The following PRKAA2 variants were observed in gnomAD, a reference collection of about 807,000 sequenced individuals.
PRKAA2 encodes the protein 5'-AMP-activated protein kinase catalytic subunit alpha-2.
A neutral mutation model predicts 56.3 loss-of-function variants in PRKAA2; 40 were observed. The ratio of observed to expected loss-of-function variants is 0.71; its 90% CI spans 0.55 to 0.92. The LOEUF (loss-of-function observed/expected upper bound fraction) is 0.92, where lower values mean the gene tolerates loss of function less well. PRKAA2 is among the 40% of genes least tolerant of loss of function. PRKAA2 has a pLI of 0.00. For missense variants in PRKAA2, 542 were observed against 686.9 expected, an observed-to-expected ratio of 0.79 and a Z score of 2.36; for synonymous variants, 214 against 234.2, an observed-to-expected ratio of 0.91 and a Z score of 0.79.
chr1:56,652,883 A>G (rs1297887227), intron 1 of PRKAA2, among the ~76,000 whole-genome samples: 1 of 152,082 alleles, frequency 6.6e-6, no homozygotes, highest in Non-Finnish European at 1.5e-5. Flanking sequence ...ATCTGCCCCT[A>G]TTTTGTGGTT....
intron 7 of PRKAA2, among the ~76,000 whole-genome samples, chr1:56,705,646 C>A (rs1046106531): frequency 2.0e-5 from 3 of 152,172 alleles, no homozygotes; most frequent in Non-Finnish European, 4.4e-5. Context: ...GCGGTCCACC[C>A]ACCTTGGCCT....
rs369893630 is a variant in PRKAA2, at chr1:56,696,099, C to T, written c.728C>T (p.Thr243Ile). ...GAATATCTCAATCGTTCTGTCGCCA[C>T]TCTCCTGATGCATATGCTGCAGGTT... ...IPEYLNRSVA[T>I]LLMHMLQVDP... The change falls in exon 6 of 9, where the codon ACT becomes ATT. Residue 243 changes from threonine (T) to isoleucine (I), a missense_variant. Thr to Ile is a moderately conservative substitution (Grantham distance 89, BLOSUM62 -1). Transcript: ENST00000371244. 512 of 1,613,610 alleles carry T rather than the reference C, an allele frequency of 3.2e-4. 7 individuals are homozygous for T. In the South Asian group the frequency reaches 5.4e-3, roughly 17 times the overall value.
intron 2 of PRKAA2, among the ~76,000 whole-genome samples, chr1:56,676,260 A>T (rs960498868): frequency 1.1e-4 from 17 of 152,342 alleles, no homozygotes; most frequent in Non-Finnish European, 1.9e-4. Flanking sequence ...ATCCTGGATC[A>T]TGTAGGTGGG....
chr1:56,705,199 A>T lies in PRKAA2; in HGVS notation c.1293+724A>T, dbSNP rs553430597. Among the ~76,000 whole-genome samples, 3 of 152,302 alleles carry T rather than the reference A, an allele frequency of 2.0e-5. No homozygotes were observed. In the South Asian group the frequency reaches 6.2e-4, roughly 32 times the overall value. The stretch of plus-strand genomic sequence containing the variant: ...TGCATTTGACGTGTTCAAATAAATC[A>T]GTCATTTTCATTTTATTATTTGTAC... On this transcript the variant is annotated intron_variant, in intron 7 of 8. Coordinates refer to ENST00000371244, the MANE Select transcript of PRKAA2 (RefSeq NM_006252.4).
At chr1:56,675,750 A>T (rs1440130555) in intron 2 of PRKAA2, among the ~76,000 whole-genome samples, 1 of 152,178 alleles carries the variant, frequency 6.6e-6, no homozygotes, top group Non-Finnish European at 1.5e-5. Flanking sequence ...GAAATTCACA[A>T]TTTAAATACA....
intron 6 of PRKAA2, among the ~76,000 whole-genome samples, chr1:56,697,487 C>G (rs1045088971): frequency 3.9e-5 from 6 of 152,066 alleles, no homozygotes; most frequent in Non-Finnish European, 1.5e-5. Flanking sequence ...TGTTCCAAAC[C>G]TCATGTATAA....
At position 56,712,529 on chromosome 1, in the gene PRKAA2, G is replaced by A. The variant is rs1260709477; in HGVS notation, c.*4816G>A. 1 of 152,110 alleles carries A rather than the reference G, an allele frequency of 6.6e-6. No individual in the cohort carries two copies. Among genetic ancestry groups the A allele is most frequent in the Admixed American group, 6.5e-5 (1 of 15,270 alleles). The allele number at this position is 152,110 out of a possible 1,614,324, so 9.4% of individuals were successfully genotyped here. A position where few individuals can be genotyped will look rare whatever the true frequency, so the allele number is the denominator to read the frequency against. ...AACATGATTCTTCTTATAATTTTATGTGATTCTTATAGCACAATCATTTTT... is the reference window on the plus strand; with the variant it reads ...AACATGATTCTTCTTATAATTTTATATGATTCTTATAGCACAATCATTTTT... On this transcript the variant is annotated 3_prime_UTR_variant, in exon 9 of 9. Coordinates refer to ENST00000371244, the MANE Select transcript of PRKAA2 (RefSeq NM_006252.4).
chr1:56,678,024 A>T (rs1210027119), intron 2 of PRKAA2, among the ~76,000 whole-genome samples: 2 of 152,116 alleles, frequency 1.3e-5, no homozygotes, highest in South Asian at 2.1e-4. Context: ...TTTACTTTCA[A>T]TCATTTTATT....
intron 2 of PRKAA2, among the ~76,000 whole-genome samples, chr1:56,675,374 G>A (rs1644105950): frequency 6.6e-6 from 1 of 151,880 alleles, no homozygotes; most frequent in Non-Finnish European, 1.5e-5. Flanking sequence ...TCTGCTGAAT[G>A]TGTGGAGCAT....
At chr1:56,658,430 G>A (rs533513151) in intron 1 of PRKAA2, among the ~76,000 whole-genome samples, 29 of 152,116 alleles carry the variant, frequency 1.9e-4, no homozygotes, top group African/African-American at 6.7e-4. Context: ...ATTAAGAGAG[G>A]GCATGGTTTA....
rs1432779138 is a variant in PRKAA2 at position 56,712,013 on chromosome 1, A to T, written c.*4300A>T. On this transcript the variant is annotated 3_prime_UTR_variant, in exon 9 of 9. Coordinates refer to ENST00000371244, the MANE Select transcript of PRKAA2 (RefSeq NM_006252.4). ...CGGTGAAACATCACATCCATTTGGCATGAAGCAAAGCATTACAAATTTGGA... is the reference window on the plus strand; with the variant it reads ...CGGTGAAACATCACATCCATTTGGCTTGAAGCAAAGCATTACAAATTTGGA... 1 of 152,214 alleles carries T rather than the reference A, an allele frequency of 6.6e-6. No individual in the cohort carries two copies. The highest frequency in any genetic ancestry group is 1.5e-5 in the Non-Finnish European group (1 of 68,030). 9.4% of individuals were successfully genotyped at this position (152,214 alleles called of 1,614,324 possible). A position where few individuals can be genotyped will look rare whatever the true frequency, so the allele number is the denominator to read the frequency against.
chr1:56,698,868 T>C (rs1226729811), intron 6 of PRKAA2, among the ~76,000 whole-genome samples: 1 of 152,180 alleles, frequency 6.6e-6, no homozygotes, highest in Non-Finnish European at 1.5e-5. Flanking sequence ...GCTGGTAATA[T>C]AGTGGTAAAC....
intron 1 of PRKAA2, among the ~76,000 whole-genome samples, chr1:56,652,005 C>G (rs532967802): frequency 1.5e-4 from 21 of 136,698 alleles, no homozygotes; most frequent in African/African-American, 5.9e-4. Context: ...CCACGCCTGG[C>G]TAATTTTTTT....
At chr1:56,685,249 T>A (rs1462760856) in intron 2 of PRKAA2, among the ~76,000 whole-genome samples, 2 of 152,242 alleles carry the variant, frequency 1.3e-5, no homozygotes, top group African/African-American at 4.8e-5. Flanking sequence ...ACAGATTATC[T>A]ATAAAGATAT....
At chr1:56,703,851 G>A in intron 6 of PRKAA2, 120 bp from the exon 7 acceptor site, 1 of 1,110,846 alleles carries the variant, frequency 9.0e-7, no homozygotes, top group East Asian at 2.4e-5. Context: ...GCTAGTAAGT[G>A]GCAGAGCTAG....
chr1:56,693,697 C>T (rs572021127), intron 4 of PRKAA2, 68 bp from the exon 5 acceptor site: 3 of 1,134,944 alleles, frequency 2.6e-6, no homozygotes, highest in South Asian at 1.7e-5. Context: ...AAATTTTGCT[C>T]ATATTTATAT....
chr1:56,695,198 A>G (rs571209984), intron 5 of PRKAA2, among the ~76,000 whole-genome samples: 1 of 141,156 alleles, frequency 7.1e-6, no homozygotes, highest in Admixed American at 7.0e-5. Context: ...ATATATATAT[A>G]TATATTTTTT....
chr1:56,656,610 G>A (rs532471262), intron 1 of PRKAA2, among the ~76,000 whole-genome samples: 1 of 152,274 alleles, frequency 6.6e-6, no homozygotes, highest in South Asian at 2.1e-4. Flanking sequence ...CTGATGGGAG[G>A]CTTAGAAGTT....
chr1:56,679,492 C>T (rs2100410720), intron 2 of PRKAA2, among the ~76,000 whole-genome samples: 1 of 152,276 alleles, frequency 6.6e-6, no homozygotes, highest in South Asian at 2.1e-4. Context: ...CATGCAGTTT[C>T]CCAAGCCCCA....
Sources: allele counts gnomAD v4.1 joint callset (sites outside exome capture counted in the v4.1 genomes callset), GRCh38; gene constraint gnomAD v4.1.1; transcripts MANE v1.5; gene names NCBI Gene and HGNC (gene_info 2026-07-23, HGNC 2026-07-21).